Variants in YEATS2 observed in about 807,000 individuals in gnomAD.
YEATS2 encodes YEATS domain-containing protein 2.
In YEATS2, 77 loss-of-function variants were observed where a neutral mutation model predicts 163.2. That is an observed-to-expected ratio of 0.47 (90% CI 0.39 to 0.57). YEATS2 has a LOEUF of 0.57. YEATS2 is among the 20% of genes least tolerant of loss of function. YEATS2 has a pLI of 0.00. For synonymous variants in YEATS2, 631 were observed against 645.1 expected (o/e 0.98, Z 0.33); for missense variants, 1,549 against 1,729.8 (o/e 0.90, Z 1.85).
intron 20 of YEATS2, 107 bp downstream of exon 20, chr3:183,786,408 C>G: frequency 9.2e-7 from 1 of 1,091,252 alleles, no homozygotes; most frequent in Non-Finnish European, 1.3e-6. Context: ...AAATACTCAA[C>G]TATTGCTTTT....
At chr3:183,778,053 A>C (rs1211953799) in intron 19 of YEATS2, among the ~76,000 whole-genome samples, 1 of 149,356 alleles carries the variant, frequency 6.7e-6, no homozygotes, top group African/African-American at 2.5e-5. Context: ...CGGAGGTTGC[A>C]GTGAGCCGAG....
chr3:183,710,816 T>C (rs1715120726), intron 1 of YEATS2, among the ~76,000 whole-genome samples: 1 of 152,196 alleles, frequency 6.6e-6, no homozygotes, highest in Non-Finnish European at 1.5e-5. Context: ...AGGATAAGAA[T>C]ATACAGATTA....
intron 21 of YEATS2, among the ~76,000 whole-genome samples, chr3:183,795,524 C>G (rs924097900): frequency 3.2e-4 from 45 of 138,700 alleles, no homozygotes; most frequent in African/African-American, 1.2e-3. Flanking sequence ...TGGTCTCAAA[C>G]TCCTGGCCTC....
At chr3:183,791,012 T>C (rs775936921) in intron 21 of YEATS2, 32 bp downstream of exon 21, 2 of 1,598,792 alleles carry the variant, frequency 1.3e-6, no homozygotes, top group South Asian at 2.2e-5. Flanking sequence ...TTTCTCTCTC[T>C]TTTCTCTCAT....
chr3:183,760,313 A>AGTTTTTTTTTTTTTTTTTTTTTTTTT (rs1283432086), intron 13 of YEATS2, among the ~76,000 whole-genome samples: 1 of 110,314 alleles, frequency 9.1e-6, no homozygotes. Flanking sequence ...AAACTACAGA[A>AGTTTTTTTTTTTTTTTTTTTTTTTTT]TTTTTTTTTT....
Position 183,810,490 on chromosome 3 carries a change from T to G in YEATS2, c.4176T>G (p.Ile1392Met). 6.2e-7 allele frequency: 1 copy of G among 1,614,076 alleles called. No homozygotes were observed. The highest frequency in any genetic ancestry group is 8.5e-7 in the Non-Finnish European group (1 of 1,179,968). The change falls in exon 31 of 31, where the codon ATT becomes ATG. Residue 1392 changes from isoleucine to methionine, a missense_variant. Coordinates refer to ENST00000305135, the MANE Select transcript of YEATS2 (RefSeq NM_018023.5). ...TASHNRIPKE[I>M]TVSNIHQAIC... is the part of the protein sequence containing the mutation. ...TTTGGACCAGGATTCCCAAAGAAAT[T>G]ACAGTGAGTAATATTCACCAGGCCA...
chr3:183,801,372 A>G (rs1725647478), intron 24 of YEATS2, 83 bp from the exon 25 acceptor site: 1 of 912,760 alleles, frequency 1.1e-6, no homozygotes, highest in Non-Finnish European at 1.6e-6. Context: ...GAATATATCC[A>G]TTAAGTACAT....
At chr3:183,732,105 G>A (rs576005398) in intron 7 of YEATS2, among the ~76,000 whole-genome samples, 2 of 151,964 alleles carry the variant, frequency 1.3e-5, no homozygotes, top group East Asian at 3.9e-4. Context: ...TTACATGTAT[G>A]TCTCACCAGA....
At chr3:183,746,895 A>G (rs1327878036) in intron 8 of YEATS2, among the ~76,000 whole-genome samples, 1 of 150,426 alleles carries the variant, frequency 6.6e-6, no homozygotes, top group Non-Finnish European at 1.5e-5. Context: ...CCCTGGCTTC[A>G]TTTTTTCCCT....
intron 19 of YEATS2, among the ~76,000 whole-genome samples, chr3:183,783,990 C>T (rs1190517180): frequency 2.0e-5 from 3 of 152,124 alleles, no homozygotes; most frequent in Non-Finnish European, 4.4e-5. Flanking sequence ...GCAGCACCCT[C>T]GACCTCCTGG....
rs1273106355 is a variant in YEATS2, at chr3:183,807,045, C to G, written c.3964C>G (p.Leu1322Val). The G allele has an allele frequency of 1.9e-6, 3 of 1,614,086 alleles. No individual in the cohort carries two copies. The South Asian group carries it at 3.3e-5, about 18-fold the overall frequency. The change falls in exon 28 of 31, where the codon CTG (leucine) becomes GTG (valine). Residue 1322 changes from leucine (L) to valine (V), a missense_variant. Coordinates refer to ENST00000305135, the MANE Select transcript of YEATS2 (RefSeq NM_018023.5). The part of the protein sequence containing the change: ...EEKQEEVKFY[L>V]PPTPGSEFIG... ...GAAACAAGAGGAAGTCAAGTTCTAC[C>G]TGCCACCAACCCCAGGGTCTGAATT...
At chr3:183,764,380 A>AG (rs1721686717) in intron 15 of YEATS2, among the ~76,000 whole-genome samples, 1 of 151,520 alleles carries the variant, frequency 6.6e-6, no homozygotes, top group African/African-American at 2.4e-5. Flanking sequence ...AAAAAAAAAA[A>AG]AAAAAAAAAA....
Position 183,772,308 on chromosome 3 carries a change from G to T in YEATS2, c.1951G>T (p.Val651Phe), listed in dbSNP as rs1158808931. The T allele has an allele frequency of 1.2e-6, 2 of 1,613,766 alleles. No homozygotes were observed. Among genetic ancestry groups the T allele is most frequent in the South Asian group, 2.2e-5 (2 of 91,066 alleles). Residue 651 changes from valine to phenylalanine, a missense_variant, in exon 16 of 31, where the codon GTC (valine) becomes TTC (phenylalanine). Val to Phe is a conservative substitution (Grantham distance 50, BLOSUM62 -1). Transcript: ENST00000305135. Reference sequence around the variant, plus strand: ...GACTCTGCTCTGTTTTGAACAGGTTGTCGGGGTACCAGTTGGGTCTGCTTT... The same window carrying T: ...GACTCTGCTCTGTTTTGAACAGGTTTTCGGGGTACCAGTTGGGTCTGCTTT... ...QSAKVQPSKV[V>F]GVPVGSALPS...
In YEATS2 at chr3:183,797,937, C is replaced by T; in HGVS notation, c.3112C>T (p.His1038Tyr). 6.2e-7 allele frequency: 1 copy of T among 1,614,062 alleles called. No homozygotes were observed. ...ATTTGTTCTAGGACTGTTAAAGATT[C>T]ACTCCAGTCAGTCCAGTCCGCAGCA... ...KATVSGLLKI[H>Y]SSQSSPQQAV... is the part of the protein sequence containing the mutation. Residue 1038 changes from histidine to tyrosine, a missense_variant, in exon 22 of 31, where the codon CAC (histidine) becomes TAC (tyrosine). Transcript: ENST00000305135.
chr3:183,750,734 GAAATGTCTATTCAGAGACATTCAGA>G (rs1720076280), intron 9 of YEATS2, among the ~76,000 whole-genome samples: 1 of 152,178 alleles, frequency 6.6e-6, no homozygotes, highest in Non-Finnish European at 1.5e-5. Flanking sequence ...CTTCTTTGGA[GAAATGTCTATTCAGAGACATTCAGA>G]AAATGTCTTT....
intron 1 of YEATS2, among the ~76,000 whole-genome samples, chr3:183,711,243 G>A (rs1715168702): frequency 6.6e-6 from 1 of 152,026 alleles, no homozygotes; most frequent in South Asian, 2.1e-4. Flanking sequence ...GGCCAAGGCG[G>A]GCGGATCACG....
At chr3:183,703,475 G>C (rs1482890318) in intron 1 of YEATS2, among the ~76,000 whole-genome samples, 1 of 151,996 alleles carries the variant, frequency 6.6e-6, no homozygotes, top group Non-Finnish European at 1.5e-5. Context: ...AGTAGTTGTG[G>C]TTTTTACTTT....
chr3:183,760,753 A>G (rs966875906), intron 13 of YEATS2, among the ~76,000 whole-genome samples: 2 of 152,184 alleles, frequency 1.3e-5, no homozygotes, highest in Non-Finnish European at 2.9e-5. Flanking sequence ...GTGTTCATTG[A>G]GTAAATTTTG....
chr3:183,742,164 C>A (rs1410269857), intron 8 of YEATS2, among the ~76,000 whole-genome samples: 1 of 151,180 alleles, frequency 6.6e-6, no homozygotes, highest in African/African-American at 2.4e-5. Flanking sequence ...CTGTGAGCCA[C>A]GATCAAGCCA....
Sources: gnomAD v4.1 joint callset for allele counts (sites outside exome capture counted in the v4.1 genomes callset) on GRCh38, gnomAD v4.1.1 for gene constraint, MANE v1.5 for transcripts, NCBI Gene and HGNC (gene_info 2026-07-23, HGNC 2026-07-21) for gene names.